The following RAPGEF2 variants were observed in gnomAD, a reference collection of about 807,000 sequenced individuals.
RAPGEF2 encodes PDZ domain containing guanine nucleotide exchange factor (GEF) 1.
In RAPGEF2, 54 loss-of-function variants were observed where a neutral mutation model predicts 186.7. The observed-to-expected ratio is 0.29, with a 90% confidence interval of 0.23 to 0.36. RAPGEF2 has a LOEUF of 0.36. RAPGEF2 is among the 10% of genes least tolerant of loss of function. RAPGEF2 has a pLI of 1.00. For synonymous variants in RAPGEF2, 712 were observed against 705.9 expected (o/e 1.01, Z -0.14); for missense variants, 1,532 against 2,045.0 (o/e 0.75, Z 4.84).
In RAPGEF2 at chr4:159,177,803, A is replaced by G. The variant is rs147603806; in HGVS notation, c.70-8839A>G. 4.3e-3 allele frequency among the ~76,000 whole-genome samples: 657 copies of G among 152,328 alleles called. 9 individuals carry two copies. Among genetic ancestry groups the G allele is most frequent in the Middle Eastern group, 3.4e-3 (1 of 294 alleles). ...TAATCTAGCTTTTAACCCCGTTATT[A>G]ATAATGTTCAAGACGTAACTCTCTA... On this transcript the variant is annotated intron_variant, in intron 1 of 29. Coordinates refer to ENST00000691494, the MANE Select transcript of RAPGEF2 (RefSeq NM_001394067.2).
intron 1 of RAPGEF2, among the ~76,000 whole-genome samples, chr4:159,120,468 T>C (rs1739551756): frequency 6.6e-6 from 1 of 152,258 alleles, no homozygotes; most frequent in Admixed American, 6.5e-5. Context: ...TATACAAGAT[T>C]AGCTTTGATA....
intron 1 of RAPGEF2, among the ~76,000 whole-genome samples, chr4:159,105,569 A>G (rs980227928): frequency 2.6e-5 from 4 of 152,242 alleles, no homozygotes; most frequent in African/African-American, 9.6e-5. Flanking sequence ...AAGAAAATTT[A>G]TCTGTCTCCA....
intron 7 of RAPGEF2, among the ~76,000 whole-genome samples, chr4:159,299,629 A>G (rs1273634429): frequency 6.6e-6 from 1 of 151,934 alleles, no homozygotes; most frequent in Non-Finnish European, 1.5e-5. Context: ...TTACCAATTT[A>G]ACTTTTTTTT....
intron 7 of RAPGEF2, among the ~76,000 whole-genome samples, chr4:159,251,972 C>T (rs1202376501): frequency 2.0e-5 from 3 of 152,066 alleles, no homozygotes; most frequent in Non-Finnish European, 1.5e-5. Flanking sequence ...CAGCTTCCCT[C>T]CTGAAGTCAG....
intron 11 of RAPGEF2, among the ~76,000 whole-genome samples, chr4:159,325,248 T>C (rs1031880154): frequency 2.6e-5 from 4 of 152,172 alleles, no homozygotes; most frequent in South Asian, 2.1e-4. Context: ...ATTCTAAATA[T>C]ATTTACTTCC....
Position 159,104,085 on chromosome 4 carries a change from G to T in RAPGEF2, c.-78G>T. 3 of 941,782 alleles carry T rather than the reference G, an allele frequency of 3.2e-6. No homozygotes were observed. Among genetic ancestry groups the T allele is most frequent in the South Asian group, 2.6e-5 (1 of 39,172 alleles). 58.3% of individuals were successfully genotyped at this position (941,782 alleles called of 1,614,324 possible). The stretch of plus-strand genomic sequence containing the variant: ...CGGGCGGGCGGGCGCAGCGCGCAGG[G>T]CGGAGGCAGCAGCGGCGCTGGGCCG... On this transcript the variant is annotated 5_prime_UTR_variant, in exon 1 of 30. Coordinates refer to ENST00000691494, the MANE Select transcript of RAPGEF2 (RefSeq NM_001394067.2).
At chr4:159,191,318 A>G (rs934866774) in intron 2 of RAPGEF2, among the ~76,000 whole-genome samples, 2 of 152,196 alleles carry the variant, frequency 1.3e-5, no homozygotes, top group Non-Finnish European at 1.5e-5. Context: ...GAGTAGTGGA[A>G]TTGCTAAGGA....
chr4:159,179,106 C>T (rs549785969), intron 1 of RAPGEF2, among the ~76,000 whole-genome samples: 4 of 152,166 alleles, frequency 2.6e-5, no homozygotes, highest in South Asian at 4.2e-4. Flanking sequence ...TAGGGTAAAA[C>T]GAAAGACTTA....
At chr4:159,107,506 C>G (rs960824734) in intron 1 of RAPGEF2, among the ~76,000 whole-genome samples, 1 of 152,128 alleles carries the variant, frequency 6.6e-6, no homozygotes, top group Non-Finnish European at 1.5e-5. Context: ...TGTTTCTTCT[C>G]TTTAAAGACC....
chr4:159,351,849 G>A (rs1045855330), intron 26 of RAPGEF2, among the ~76,000 whole-genome samples: 16 of 152,164 alleles, frequency 1.1e-4, no homozygotes, highest in Non-Finnish European at 2.2e-4. Flanking sequence ...CACTCGGGAG[G>A]CTGAGGCAGG....
intron 1 of RAPGEF2, among the ~76,000 whole-genome samples, chr4:159,120,994 A>G (rs991326851): frequency 2.4e-4 from 36 of 152,006 alleles, no homozygotes; most frequent in African/African-American, 8.5e-4. Flanking sequence ...AGCTGGGACT[A>G]TCGGCACCCA....
chr4:159,248,879 C>T (rs1754966584), intron 7 of RAPGEF2, among the ~76,000 whole-genome samples: 1 of 152,300 alleles, frequency 6.6e-6, no homozygotes, highest in Middle Eastern at 3.4e-3. Context: ...TGAAGGATGT[C>T]TATTTTTATA....
intron 7 of RAPGEF2, among the ~76,000 whole-genome samples, chr4:159,283,269 A>G (rs1759975720): frequency 6.6e-6 from 1 of 152,200 alleles, no homozygotes; most frequent in South Asian, 2.1e-4. Flanking sequence ...GAAACTATTC[A>G]TATAGAACTT....
chr4:159,115,016 T>A (rs1184526042), intron 1 of RAPGEF2, among the ~76,000 whole-genome samples: 2 of 152,170 alleles, frequency 1.3e-5, no homozygotes, highest in Non-Finnish European at 1.5e-5. Context: ...AAAGGAATTT[T>A]AAAAATCAAA....
intron 4 of RAPGEF2, among the ~76,000 whole-genome samples, chr4:159,218,672 C>T (rs1302442715): frequency 2.0e-5 from 3 of 151,972 alleles, no homozygotes; most frequent in African/African-American, 7.3e-5. Context: ...GCATGAGAAT[C>T]GCTTGAACCC....
Position 159,343,466 on chromosome 4 carries a change from A to G in RAPGEF2, c.3254+62A>G, listed in dbSNP as rs1288418018. 4 of 1,573,212 alleles carry G rather than the reference A, an allele frequency of 2.5e-6. No individual in the cohort carries two copies. In the East Asian group the frequency reaches 9.0e-5, roughly 36 times the overall value. On this transcript the variant is annotated intron_variant, in intron 22 of 29. Coordinates refer to ENST00000691494, the MANE Select transcript of RAPGEF2 (RefSeq NM_001394067.2). Reference sequence around the variant, plus strand: ...GAGAAGGTTAAATTTAGAGCTTCCCAATAAATGATTTTTTTAAAGTTTGAG... The same window carrying G: ...GAGAAGGTTAAATTTAGAGCTTCCCGATAAATGATTTTTTTAAAGTTTGAG...
chr4:159,248,589 C>T (rs1313834383), intron 7 of RAPGEF2, among the ~76,000 whole-genome samples: 1 of 152,274 alleles, frequency 6.6e-6, no homozygotes, highest in Middle Eastern at 3.4e-3. Flanking sequence ...CAATTTCTGG[C>T]AAAATGCAGC....
At chr4:159,244,664 T>C (rs1754401504) in intron 7 of RAPGEF2, among the ~76,000 whole-genome samples, 1 of 151,974 alleles carries the variant, frequency 6.6e-6, no homozygotes, top group Non-Finnish European at 1.5e-5. Flanking sequence ...AGATCATGAA[T>C]AATTTATTCA....
At chr4:159,179,680 CT>C (rs1746813935) in intron 1 of RAPGEF2, among the ~76,000 whole-genome samples, 1 of 152,114 alleles carries the variant, frequency 6.6e-6, no homozygotes, top group Non-Finnish European at 1.5e-5. Flanking sequence ...AAGGTTGAAA[CT>C]TCTGTGTGAG....
Sources: allele counts gnomAD v4.1 joint callset (sites outside exome capture counted in the v4.1 genomes callset), GRCh38; gene constraint gnomAD v4.1.1; transcripts MANE v1.5; gene names NCBI Gene and HGNC (gene_info 2026-07-23, HGNC 2026-07-21).